The following CADM2 variants were observed in gnomAD, a reference collection of about 807,000 sequenced individuals.
The protein encoded by CADM2 is cell adhesion molecule 2.
Under a neutral mutation model 49.8 loss-of-function variants are expected in CADM2, and 12 were observed. That is an observed-to-expected ratio of 0.24 (90% CI 0.15 to 0.39). The LOEUF (loss-of-function observed/expected upper bound fraction) is 0.39, where lower values mean the gene tolerates loss of function less well. Among genes scored for constraint, CADM2 ranks in the 10% least tolerant of loss-of-function variants. The pLI, the probability that CADM2 is intolerant of heterozygous loss-of-function variation, is 1.00. For missense variants in CADM2, 378 were observed against 492.3 expected (o/e 0.77, Z 2.20); for synonymous variants, 214 against 175.4 (o/e 1.22, Z -1.74).
At chr3:85,142,557 G>C (rs547042659) in intron 1 of CADM2, among the ~76,000 whole-genome samples, 1 of 152,094 alleles carries the variant, frequency 6.6e-6, no homozygotes, top group Non-Finnish European at 1.5e-5. Context: ...GGATATTTTT[G>C]GATTATTTTT....
chr3:85,227,570 G>A (rs987596915), intron 1 of CADM2, among the ~76,000 whole-genome samples: 1 of 151,196 alleles, frequency 6.6e-6, no homozygotes, highest in Non-Finnish European at 1.5e-5. Context: ...GCACACTGAT[G>A]GGTCTTGACT....
At chr3:86,027,575 T>C (rs1051932933) in intron 8 of CADM2, among the ~76,000 whole-genome samples, 4 of 152,152 alleles carry the variant, frequency 2.6e-5, no homozygotes, top group Non-Finnish European at 5.9e-5. Flanking sequence ...TATAATTGAT[T>C]CTCAAGTTTA....
At chr3:85,530,348 TG>T (rs2061274401) in intron 1 of CADM2, among the ~76,000 whole-genome samples, 1 of 126,240 alleles carries the variant, frequency 7.9e-6, no homozygotes, top group Non-Finnish European at 1.7e-5. Flanking sequence ...TTTTTTTTTT[TG>T]AGACGGAGTC....
intron 1 of CADM2, among the ~76,000 whole-genome samples, chr3:85,029,712 C>G (rs893536534): frequency 6.6e-6 from 1 of 152,150 alleles, no homozygotes; most frequent in African/African-American, 2.4e-5. Flanking sequence ...CATTCCATTT[C>G]TAACTCTTCA....
intron 1 of CADM2, among the ~76,000 whole-genome samples, chr3:85,675,962 G>C (rs1176350668): frequency 1.3e-5 from 2 of 152,174 alleles, no homozygotes; most frequent in Non-Finnish European, 2.9e-5. Flanking sequence ...CAGGCTTTCA[G>C]CATTTACAGG....
At chr3:85,413,149 AAAAAAAAAAAAAAAT>A (rs1201724963) in intron 1 of CADM2, among the ~76,000 whole-genome samples, 15 of 143,738 alleles carry the variant, frequency 1.0e-4, no homozygotes, top group Non-Finnish European at 1.8e-4. Context: ...AAAAAAAAAA[AAAAAAAAAAAAAAAT>A]AATAATAATA....
chr3:85,066,836 C>G lies in CADM2; in HGVS notation c.61+107168C>G, dbSNP rs373075882. Among the ~76,000 whole-genome samples the G allele has an allele frequency of 2.6e-5, 4 of 152,136 alleles. No individual in the cohort carries two copies. The East Asian group carries it at 5.8e-4, about 22-fold the overall frequency. On this transcript the variant is annotated intron_variant, in intron 1 of 9. Transcript: ENST00000383699. ...TAAATACTCTGTAAACTTCCTTAACCTAGTTTTACCTTAAGGTATATTTTC... is the reference window on the plus strand; with the variant it reads ...TAAATACTCTGTAAACTTCCTTAACGTAGTTTTACCTTAAGGTATATTTTC...
Position 85,024,141 on chromosome 3 carries a change from G to A in CADM2, c.61+64473G>A, listed in dbSNP as rs180692918. Among the ~76,000 whole-genome samples the A allele has an allele frequency of 4.2e-3, 636 of 152,134 alleles. 3 individuals carry two copies. Among genetic ancestry groups the A allele is most frequent in the Non-Finnish European group, 6.9e-3 (468 of 67,904 alleles). On this transcript the variant is annotated intron_variant, in intron 1 of 9. Transcript: ENST00000383699. ...TCTATTGACACAAGGAGTGAAACAT[G>A]TTTTTGCTTTCTGATGTAAAAGCCA...
chr3:85,377,686 T>C (rs1316838035), intron 1 of CADM2, among the ~76,000 whole-genome samples: 2 of 152,078 alleles, frequency 1.3e-5, no homozygotes, highest in Non-Finnish European at 1.5e-5. Context: ...GTATACTGAC[T>C]AATGAACATA....
At chr3:85,426,455 T>A (rs546296864) in intron 1 of CADM2, among the ~76,000 whole-genome samples, 2 of 152,232 alleles carry the variant, frequency 1.3e-5, no homozygotes, top group East Asian at 1.9e-4. Context: ...TTTAAAAAAA[T>A]ATCAATATGT....
At chr3:85,668,844 CTT>C (rs1352382258) in intron 1 of CADM2, among the ~76,000 whole-genome samples, 1 of 152,118 alleles carries the variant, frequency 6.6e-6, no homozygotes, top group Non-Finnish European at 1.5e-5. Context: ...AGTTTATAAA[CTT>C]TTGATTATGT....
At chr3:85,641,491 G>A (rs1477455947) in intron 1 of CADM2, among the ~76,000 whole-genome samples, 1 of 152,118 alleles carries the variant, frequency 6.6e-6, no homozygotes, top group African/African-American at 2.4e-5. Flanking sequence ...TAAGTTCTTG[G>A]TCTTGATAGG....
chr3:85,102,663 T>C (rs1057480276), intron 1 of CADM2, among the ~76,000 whole-genome samples: 2 of 152,170 alleles, frequency 1.3e-5, no homozygotes, highest in African/African-American at 2.4e-5. Context: ...GAAAAGCACC[T>C]AAGCCTCAAA....
intron 1 of CADM2, among the ~76,000 whole-genome samples, chr3:85,347,516 CAT>C (rs200110828): frequency 0.041 from 5,922 of 145,716 alleles, 380 homozygotes; most frequent in African/African-American, 0.13. Context: ...TATATACACA[CAT>C]ATATATAAAT....
chr3:85,709,129 A>G (rs2067037915), intron 1 of CADM2, among the ~76,000 whole-genome samples: 1 of 152,144 alleles, frequency 6.6e-6, no homozygotes, highest in African/African-American at 2.4e-5. Flanking sequence ...CTCTAAACAC[A>G]TGTTATAAAC....
chr3:85,769,757 T>G (rs1203291797), intron 2 of CADM2, among the ~76,000 whole-genome samples: 1 of 150,570 alleles, frequency 6.6e-6, no homozygotes, highest in East Asian at 1.9e-4. Context: ...CTACTTCATT[T>G]TAACAGATGA....
chr3:85,625,618 C>G (rs2107503840), intron 1 of CADM2, among the ~76,000 whole-genome samples: 1 of 152,038 alleles, frequency 6.6e-6, no homozygotes, highest in East Asian at 1.9e-4. Flanking sequence ...AAATATATTA[C>G]TATACATAAT....
intron 6 of CADM2, among the ~76,000 whole-genome samples, chr3:85,922,955 G>A (rs979711576): frequency 6.6e-6 from 1 of 151,480 alleles, no homozygotes; most frequent in African/African-American, 2.4e-5. Context: ...CTGAGTAGCT[G>A]GGACTATAGG....
At chr3:85,535,588 G>A (rs6767921) in intron 1 of CADM2, among the ~76,000 whole-genome samples, 12,435 of 152,160 alleles carry the variant, frequency 0.082, 991 homozygotes, top group African/African-American at 0.19. Context: ...CTTTGAAGGA[G>A]TTTGTTTCCT....
Sources: gnomAD v4.1 joint callset for allele counts (sites outside exome capture counted in the v4.1 genomes callset) on GRCh38, gnomAD v4.1.1 for gene constraint, MANE v1.5 for transcripts, NCBI Gene and HGNC (gene_info 2026-07-23, HGNC 2026-07-21) for gene names.